The following MBD2 variants were observed in gnomAD, a reference collection of about 807,000 sequenced individuals.
MBD2 encodes the protein methyl-CpG-binding domain protein 2.
MBD2 carries 9 observed loss-of-function variants against 39.3 expected under a neutral mutation model. The ratio of observed to expected loss-of-function variants is 0.23; its 90% CI spans 0.14 to 0.40. MBD2 has a LOEUF of 0.40. MBD2 is among the 10% of genes least tolerant of loss of function. The pLI is 1.00. For synonymous variants in MBD2, 233 were observed against 211.1 expected, an observed-to-expected ratio of 1.10 and a Z score of -0.90; for missense variants, 458 against 532.6, an observed-to-expected ratio of 0.86 and a Z score of 1.38.
intron 2 of MBD2, chr18:54,203,187 C>T: frequency 6.4e-7 from 1 of 1,555,768 alleles, no homozygotes; most frequent in Non-Finnish European, 8.8e-7. Context: ...AATAAATCTG[C>T]ACATTACACT....
intron 1 of MBD2, among the ~76,000 whole-genome samples, chr18:54,208,402 G>T (rs1392399599): frequency 1.3e-5 from 2 of 152,172 alleles, no homozygotes; most frequent in African/African-American, 2.4e-5. Context: ...TGAGGCAGGA[G>T]AATCGCTTGA....
intron 1 of MBD2, among the ~76,000 whole-genome samples, chr18:54,211,113 C>T (rs558668783): frequency 2.6e-4 from 40 of 151,582 alleles, no homozygotes; most frequent in African/African-American, 4.6e-4. Flanking sequence ...CCTCGTGATC[C>T]GCCCGCCTCG....
chr18:54,173,198 A>G (rs771578717), intron 3 of MBD2, among the ~76,000 whole-genome samples: 3 of 152,100 alleles, frequency 2.0e-5, no homozygotes, highest in Non-Finnish European at 4.4e-5. Flanking sequence ...CCCCTCCTCC[A>G]GGCCAGACTG....
chr18:54,191,555 C>T (rs927041719), intron 2 of MBD2, among the ~76,000 whole-genome samples: 1 of 152,176 alleles, frequency 6.6e-6, no homozygotes, highest in Non-Finnish European at 1.5e-5. Context: ...CCAGTAGTGG[C>T]CTCAGGGTCT....
intron 1 of MBD2, among the ~76,000 whole-genome samples, chr18:54,216,690 C>T (rs936009427): frequency 6.6e-6 from 1 of 152,078 alleles, no homozygotes; most frequent in African/African-American, 2.4e-5. Context: ...GACACGCATC[C>T]TTGCTTATCC....
At chr18:54,166,619 A>G (rs1335284742) in intron 3 of MBD2, among the ~76,000 whole-genome samples, 1 of 152,242 alleles carries the variant, frequency 6.6e-6, no homozygotes, top group Non-Finnish European at 1.5e-5. Context: ...AGTACAATGA[A>G]GTTTAGCCCT....
At chr18:54,158,243 C>T (rs2086068552) in intron 6 of MBD2, among the ~76,000 whole-genome samples, 1 of 150,970 alleles carries the variant, frequency 6.6e-6, no homozygotes, top group African/African-American at 2.4e-5. Context: ...ATAATTTCTT[C>T]ATTCCTTAAA....
chr18:54,169,136 C>T (rs899216141), intron 3 of MBD2, among the ~76,000 whole-genome samples: 1 of 152,136 alleles, frequency 6.6e-6, no homozygotes, highest in East Asian at 1.9e-4. Context: ...TCAGCACAAG[C>T]AACTTCTTTG....
chr18:54,203,355 G>A (rs545813592), intron 2 of MBD2, among the ~76,000 whole-genome samples: 3 of 152,118 alleles, frequency 2.0e-5, no homozygotes, highest in Admixed American at 6.6e-5. Flanking sequence ...CATTTAAGAA[G>A]CAAAGTAACC....
Position 54,189,003 on chromosome 18 carries a change from T to C in MBD2, c.711A>G (p.Pro237=). 6.3e-7 allele frequency: 1 copy of C among 1,594,310 alleles called. No individual in the cohort carries two copies. The highest frequency in any genetic ancestry group is 8.6e-7 in the Non-Finnish European group (1 of 1,168,502). ...TAATTGGCAATGTTGTATTCAAGTCTGGTTTACCCTGTGAATATAAATGTA... is the reference window on the plus strand; with the variant it reads ...TAATTGGCAATGTTGTATTCAAGTCCGGTTTACCCTGTGAATATAAATGTA... ...NDPLNQNKGK[P]DLNTTLPIRQ... The change falls in exon 3 of 7, where the codon CCA becomes CCG. Residue 237 remains proline, a synonymous_variant. Transcript: ENST00000256429.
At chr18:54,198,318 C>T (rs17554142) in intron 2 of MBD2, among the ~76,000 whole-genome samples, 16,430 of 152,268 alleles carry the variant, frequency 0.11, 1,079 homozygotes, top group Non-Finnish European at 0.16. Context: ...TCTTCACCTA[C>T]TCCCTCACAT....
chr18:54,159,972 A>C, intron 5 of MBD2, 69 bp from the exon 6 acceptor site: 1 of 1,510,220 alleles, frequency 6.6e-7, no homozygotes, highest in South Asian at 1.2e-5. Flanking sequence ...CTGCTACAGA[A>C]GTTCATCCTT....
At chr18:54,197,757 AATC>A (rs1484968213) in intron 2 of MBD2, among the ~76,000 whole-genome samples, 1 of 152,088 alleles carries the variant, frequency 6.6e-6, no homozygotes, top group Non-Finnish European at 1.5e-5. Context: ...TCATCATCAA[AATC>A]ATCATCATCA....
At chr18:54,186,690 A>G (rs2086288923) in intron 3 of MBD2, among the ~76,000 whole-genome samples, 1 of 152,204 alleles carries the variant, frequency 6.6e-6, no homozygotes, top group Non-Finnish European at 1.5e-5. Context: ...GACAACTAAT[A>G]TCTTAGCACA....
chr18:54,173,780 A>T (rs866267007), intron 3 of MBD2, among the ~76,000 whole-genome samples: 1 of 152,350 alleles, frequency 6.6e-6, no homozygotes, highest in Middle Eastern at 3.4e-3. Context: ...GAATGAGGAA[A>T]CCAGTATCAC....
At chr18:54,196,177 C>G (rs2086365000) in intron 2 of MBD2, among the ~76,000 whole-genome samples, 1 of 152,164 alleles carries the variant, frequency 6.6e-6, no homozygotes. Flanking sequence ...AAAAAATTAT[C>G]TGGTACCCAT....
intron 5 of MBD2, among the ~76,000 whole-genome samples, chr18:54,162,790 T>A (rs141745334): frequency 1.3e-5 from 2 of 152,300 alleles, no homozygotes; most frequent in East Asian, 3.9e-4. Flanking sequence ...AAAAATAAAG[T>A]TTTTAAGAAA....
Position 54,152,536 on chromosome 18 carries a change from G to C in MBD2, c.*2788C>G, listed in dbSNP as rs2086028211. 1 of 152,204 alleles carries C rather than the reference G, an allele frequency of 6.6e-6. No homozygotes were observed. Among genetic ancestry groups the C allele is most frequent in the Non-Finnish European group, 1.5e-5 (1 of 68,040 alleles). 9.4% of individuals were successfully genotyped at this position (152,204 alleles called of 1,614,324 possible). ...AGACAAACACATCCTTGCTCTCATG[G>C]AGCTTACATTCTAGTAGAGAAATAG... On this transcript the variant is annotated 3_prime_UTR_variant, in exon 7 of 7. Coordinates refer to ENST00000256429, the MANE Select transcript of MBD2 (RefSeq NM_003927.5).
rs557373674 is a variant in MBD2 at position 54,215,804 on chromosome 18, T to G, written c.542+8214A>C. On this transcript the variant is annotated intron_variant, in intron 1 of 6. Coordinates refer to ENST00000256429, the MANE Select transcript of MBD2 (RefSeq NM_003927.5). ...CCACCAAGCCCGGCCTTTTTTTTTT[T>G]GTTTGTTTGTTTCTGAGACAGAGTT... 1.9e-3 allele frequency among the ~76,000 whole-genome samples: 284 copies of G among 148,702 alleles called. 3 individuals carry two copies. Among genetic ancestry groups the G allele is most frequent in the Middle Eastern group, 3.5e-3 (1 of 282 alleles).
Sources: allele counts gnomAD v4.1 joint callset (sites outside exome capture counted in the v4.1 genomes callset), GRCh38; gene constraint gnomAD v4.1.1; transcripts MANE v1.5; gene names NCBI Gene and HGNC (gene_info 2026-07-23, HGNC 2026-07-21).